Variants in HOXB7 observed in about 807,000 individuals in gnomAD.
HOXB7 encodes the protein homeobox B7, also known as homeobox protein Hox-B7.
HOXB7 carries 11 observed loss-of-function variants against 19.2 expected under a neutral mutation model. The ratio of observed to expected loss-of-function variants is 0.57; its 90% confidence interval spans 0.36 to 0.95. HOXB7 has a LOEUF of 0.95. Among genes scored for constraint, HOXB7 ranks in the 40% least tolerant of loss-of-function variants. HOXB7 has a pLI of 0.01. For missense variants in HOXB7, 318 were observed against 301.1 expected (o/e 1.06, Z -0.42); for synonymous variants, 141 against 130.2 (o/e 1.08, Z -0.56).
At chr17:48,610,309 CG>C (rs1265419707) in intron 1 of HOXB7, among the ~76,000 whole-genome samples, 2 of 146,554 alleles carry the variant, frequency 1.4e-5, no homozygotes, top group Non-Finnish European at 3.0e-5. Flanking sequence ...AGAGATCCGC[CG>C]GGAAGCAGAG....
In HOXB7 at chr17:48,610,943, A is replaced by C. The variant is rs750120989; in HGVS notation, c.-25T>G. On this transcript the variant is annotated 5_prime_UTR_variant, in exon 1 of 2. Transcript: ENST00000239165. ...TAATTTGGCCGGATGATTTGTAGGC[A>C]GGGACGTTTTAGTGTCGGTTTTACG... 2.7e-6 allele frequency: 4 copies of C among 1,469,052 alleles called. No individual in the cohort carries two copies. Among genetic ancestry groups the C allele is most frequent in the Non-Finnish European group, 3.6e-6 (4 of 1,108,490 alleles). 91.0% of individuals were successfully genotyped at this position (1,469,052 alleles called of 1,614,324 possible).
In HOXB7 at chr17:48,607,704, T is replaced by A; in HGVS notation, c.*138A>T. On this transcript the variant is annotated 3_prime_UTR_variant, in exon 2 of 2. Coordinates refer to ENST00000239165, the MANE Select transcript of HOXB7 (RefSeq NM_004502.4). ...TTAAACTCCTTTCATTTAAATAGGG[T>A]TTTTTTTTTGTTTTTTTTGTTTTTT... 1 of 584,436 alleles carries A rather than the reference T, an allele frequency of 1.7e-6. No homozygotes were observed. The highest frequency in any genetic ancestry group is 2.6e-6 in the Non-Finnish European group (1 of 382,908). 36.2% of individuals were successfully genotyped at this position (584,436 alleles called of 1,614,324 possible).
rs2070597442 is a variant in HOXB7, at chr17:48,607,707, TTTTTTTG to T, written c.*128_*134del. 1 of 680,010 alleles carries T rather than the reference TTTTTTTG, an allele frequency of 1.5e-6. No individual in the cohort carries two copies. Among genetic ancestry groups the T allele is most frequent in the Non-Finnish European group, 2.2e-6 (1 of 444,552 alleles). 42.1% of individuals were successfully genotyped at this position (680,010 alleles called of 1,614,324 possible). ...AACTCCTTTCATTTAAATAGGGTTT[TTTTTTTG>T]TTTTTTTTGTTTTTTGTTTTGTTTT... On this transcript the variant is annotated 3_prime_UTR_variant, in exon 2 of 2. Transcript: ENST00000239165.
rs1408691774 is a variant in HOXB7 at position 48,608,065 on chromosome 17, T to C, written c.431A>G (p.Tyr144Cys). 6.2e-7 allele frequency: 1 copy of C among 1,614,020 alleles called. No individual in the cohort carries two copies. Among genetic ancestry groups the C allele is most frequent in the Non-Finnish European group, 8.5e-7 (1 of 1,180,002 alleles). Residue 144 changes from tyrosine (Y) to cysteine (C), a missense_variant, in exon 2 of 2, where the codon TAC (tyrosine) becomes TGC (cysteine). Transcript: ENST00000239165. ...CAGCTCCAGGGTCTGGTAGCGGGTG[T>C]AGGTCTGGCGGCCTCGTTTGCGGTC... ...GTDRKRGRQT[Y>C]TRYQTLELEK...
rs138865004 is a variant in HOXB7, at chr17:48,607,966, G to A, written c.530C>T (p.Thr177Met). The change falls in exon 2 of 2, where the codon ACG becomes ATG. Residue 177 changes from threonine to methionine, a missense_variant. Thr to Met is a moderately conservative substitution (Grantham distance 81). Coordinates refer to ENST00000239165, the MANE Select transcript of HOXB7 (RefSeq NM_004502.4). ...AAACCAAATCTTGATCTGTCTTTCCGTGAGGCAGAGCGTGTGCGCGATCTC... is the reference window on the plus strand; with the variant it reads ...AAACCAAATCTTGATCTGTCTTTCCATGAGGCAGAGCGTGTGCGCGATCTC... The part of the protein sequence containing the change: ...RIEIAHTLCL[T>M]ERQIKIWFQN... 1 of 1,614,060 alleles carries A rather than the reference G, an allele frequency of 6.2e-7. No individual in the cohort carries two copies. The highest frequency in any genetic ancestry group is 1.1e-5 in the South Asian group (1 of 91,080).
In HOXB7 at chr17:48,607,295, T is replaced by A. The variant is rs1018668580; in HGVS notation, c.*547A>T. 6.6e-6 allele frequency: 1 copy of A among 152,618 alleles called. No homozygotes were observed. The highest frequency in any genetic ancestry group is 1.5e-5 in the Non-Finnish European group (1 of 68,334). The allele number at this position is 152,618 out of a possible 1,614,324, so 9.5% of individuals were successfully genotyped here. A position where few individuals can be genotyped will look rare whatever the true frequency, so the allele number is the denominator to read the frequency against. ...TACACACAGAATGTAAAAGGGAGCA[T>A]GGGGCTGGGGGACGGGAAGCAAGAA... is the stretch of plus-strand genomic sequence containing the variant. On this transcript the variant is annotated 3_prime_UTR_variant, in exon 2 of 2. Transcript: ENST00000239165.
rs1597885972 is a variant in HOXB7, at chr17:48,607,616, G to A, written c.*226C>T. The A allele has an allele frequency of 2.5e-5, 13 of 509,850 alleles. No individual in the cohort carries two copies. The East Asian group carries it at 4.1e-4, about 16-fold the overall frequency. 31.6% of individuals were successfully genotyped at this position (509,850 alleles called of 1,614,324 possible). ...ACCAAACCTGACAGACTTTCCTATA[G>A]GTAGTATTTTTTCAGTGTTGAAAAA... On this transcript the variant is annotated 3_prime_UTR_variant, in exon 2 of 2. Coordinates refer to ENST00000239165, the MANE Select transcript of HOXB7 (RefSeq NM_004502.4).
In HOXB7 at chr17:48,607,835, C is replaced by T. The variant is rs201493246; in HGVS notation, c.*7G>A. On this transcript the variant is annotated 3_prime_UTR_variant, in exon 2 of 2. Transcript: ENST00000239165. Reference sequence around the variant, plus strand: ...TCATGTCTCTTCCTCTGCCCTTTCTCCATCCCTCACTCTTCCTCTTCCTCC... The same window carrying T: ...TCATGTCTCTTCCTCTGCCCTTTCTTCATCCCTCACTCTTCCTCTTCCTCC... 331 of 1,607,714 alleles carry T rather than the reference C, an allele frequency of 2.1e-4. 5 individuals are homozygous for T. The highest frequency in any genetic ancestry group is 2.2e-4 in the Admixed American group (13 of 59,930).
Position 48,607,944 on chromosome 17 carries a change from C to T in HOXB7, c.552G>A (p.Trp184Ter). The T allele has an allele frequency of 6.2e-7, 1 of 1,614,146 alleles. No individual in the cohort carries two copies. The highest frequency in any genetic ancestry group is 2.2e-5 in the East Asian group (1 of 44,874). The change falls in exon 2 of 2, where the codon TGG (tryptophan) becomes TGA (stop). Residue 184 changes from tryptophan (W) to a stop codon, truncating the protein, a stop_gained. Transcript: ENST00000239165. LOFTEE classifies it high-confidence loss of function. ...LCLTERQIKI[W>*]FQNRRMKWKK... ...TCCACTTCATGCGCCGGTTCTGAAA[C>T]CAAATCTTGATCTGTCTTTCCGTGA...
At position 48,607,750 on chromosome 17, in the gene HOXB7, T is replaced by C. The variant is rs1168072568; in HGVS notation, c.*92A>G. ...TTTTTGTTTTGTTTTTTTACTTCCC[T>C]ATTCGATTTGAGTTTCCTGATTCAG... On this transcript the variant is annotated 3_prime_UTR_variant, in exon 2 of 2. Transcript: ENST00000239165. The C allele has an allele frequency of 2.1e-6, 2 of 954,194 alleles. No homozygotes were observed. The highest frequency in any genetic ancestry group is 3.1e-6 in the Non-Finnish European group (2 of 651,778). The allele number at this position is 954,194 out of a possible 1,614,324, so 59.1% of individuals were successfully genotyped here. A position where few individuals can be genotyped will look rare whatever the true frequency, so the allele number is the denominator to read the frequency against.
chr17:48,608,134 A>C (rs768494905), intron 1 of HOXB7, 39 bp from the exon 2 acceptor site: 7 of 1,592,398 alleles, frequency 4.4e-6, no homozygotes, highest in Non-Finnish European at 5.2e-6. Context: ...TGAGTAAAGA[A>C]AACGCCGGCC....
intron 1 of HOXB7, among the ~76,000 whole-genome samples, chr17:48,609,094 A>G (rs114780225): frequency 6.6e-6 from 1 of 152,322 alleles, no homozygotes; most frequent in African/African-American, 2.4e-5. Context: ...GCTTGCCTAG[A>G]CAGCCCAGCT....
Position 48,607,787 on chromosome 17 carries a change from G to C in HOXB7, c.*55C>G, listed in dbSNP as rs1488782068. ...GTTTCCTGATTCAGTTCCCAGAGCT[G>C]GGCTTCTCTTCCTCTCCCTTTCTCA... On this transcript the variant is annotated 3_prime_UTR_variant, in exon 2 of 2. Coordinates refer to ENST00000239165, the MANE Select transcript of HOXB7 (RefSeq NM_004502.4). The C allele has an allele frequency of 2.9e-6, 4 of 1,376,598 alleles. No homozygotes were observed. In the South Asian group the frequency reaches 5.1e-5, roughly 18 times the overall value. 85.3% of individuals were successfully genotyped at this position (1,376,598 alleles called of 1,614,324 possible). A position where few individuals can be genotyped will look rare whatever the true frequency, so the allele number is the denominator to read the frequency against.
In HOXB7 at chr17:48,610,123, G is replaced by T. The variant is rs975939270; in HGVS notation, c.400+396C>A. 4.6e-5 allele frequency among the ~76,000 whole-genome samples: 7 copies of T among 152,190 alleles called. No homozygotes were observed. The East Asian group carries it at 5.8e-4, about 13-fold the overall frequency. ...AGGGCTGAGATCCTTAGCTGGGAAG[G>T]GGGGAGAAGGGGGAGACCCTAATGG... On this transcript the variant is annotated intron_variant, in intron 1 of 1. Transcript: ENST00000239165.
intron 1 of HOXB7, among the ~76,000 whole-genome samples, chr17:48,609,266 A>G (rs993627874): frequency 1.6e-4 from 24 of 152,224 alleles, no homozygotes; most frequent in Admixed American, 1.2e-3. Flanking sequence ...AGAGGTGCTG[A>G]TGTCAGCCCT....
rs1286455108 is a variant in HOXB7, at chr17:48,610,741, G to A, written c.178C>T (p.Pro60Ser). ...TGGCCCGCCATGCCCCCCCCGCCGG[G>A]GTACAAGCCCTGCATCGAGGCGGCG... is the stretch of plus-strand genomic sequence containing the variant. ...SFAASMQGLY[P>S]GGGGMAGQSA... Residue 60 changes from proline (P) to serine (S), a missense_variant, in exon 1 of 2, where the codon CCC (proline) becomes TCC (serine). Coordinates refer to ENST00000239165, the MANE Select transcript of HOXB7 (RefSeq NM_004502.4). The A allele has an allele frequency of 1.2e-6, 2 of 1,601,722 alleles. No individual in the cohort carries two copies. Among genetic ancestry groups the A allele is most frequent in the South Asian group, 1.1e-5 (1 of 90,392 alleles).
chr17:48,607,907 T>TG lies in HOXB7; in HGVS notation c.588dup (p.Lys197GlnfsTer14). On this transcript the variant is annotated frameshift_variant, in exon 2 of 2. Transcript: ENST00000239165. LOFTEE classifies it high-confidence loss of function. Reference sequence around the variant, plus strand: ...CCGGTGGTCCCCGGGCCCGCGGTCTTGTTCTCCTTTTTCCACTTCATGCGC... The same window carrying TG: ...CCGGTGGTCCCCGGGCCCGCGGTCTTGGTTCTCCTTTTTCCACTTCATGCGC... The TG allele has an allele frequency of 6.2e-7, 1 of 1,614,028 alleles. No homozygotes were observed. Among genetic ancestry groups the TG allele is most frequent in the Non-Finnish European group, 8.5e-7 (1 of 1,179,992 alleles).
At position 48,607,702 on chromosome 17, in the gene HOXB7, G is replaced by T; in HGVS notation, c.*140C>A. 4.2e-6 allele frequency: 3 copies of T among 716,790 alleles called. No individual in the cohort carries two copies. Among genetic ancestry groups the T allele is most frequent in the Admixed American group, 3.7e-5 (1 of 27,004 alleles). The allele number at this position is 716,790 out of a possible 1,614,324, so 44.4% of individuals were successfully genotyped here. A position where few individuals can be genotyped will look rare whatever the true frequency, so the allele number is the denominator to read the frequency against. ...TTTTAAACTCCTTTCATTTAAATAG[G>T]GTTTTTTTTTTGTTTTTTTTGTTTT... On this transcript the variant is annotated 3_prime_UTR_variant, in exon 2 of 2. Coordinates refer to ENST00000239165, the MANE Select transcript of HOXB7 (RefSeq NM_004502.4).
rs747192791 is a variant in HOXB7 at position 48,608,090 on chromosome 17, C to T, written c.406G>A (p.Asp136Asn). Residue 136 changes from aspartate (D) to asparagine (N), a missense_variant, in exon 2 of 2, where the codon GAC becomes AAC. Coordinates refer to ENST00000239165, the MANE Select transcript of HOXB7 (RefSeq NM_004502.4). ...TAGGTCTGGCGGCCTCGTTTGCGGT[C>T]AGTTCCTGCACACAGTATTCAGAGG... ...IYPWMRSSGT[D>N]RKRGRQTYTR... 6.2e-7 allele frequency: 1 copy of T among 1,612,834 alleles called. No homozygotes were observed. The highest frequency in any genetic ancestry group is 8.5e-7 in the Non-Finnish European group (1 of 1,179,480).
Sources: allele counts gnomAD v4.1 joint callset (sites outside exome capture counted in the v4.1 genomes callset), GRCh38; gene constraint gnomAD v4.1.1; transcripts MANE v1.5; gene names NCBI Gene and HGNC (gene_info 2026-07-23, HGNC 2026-07-21).